The following FRAS1 variants were observed in gnomAD, a reference collection of about 807,000 sequenced individuals.
The protein encoded by FRAS1 is extracellular matrix organizing protein FRAS1.
A neutral mutation model predicts 435.2 loss-of-function variants in FRAS1; 290 were observed. The observed-to-expected ratio is 0.67, with a 90% confidence interval of 0.61 to 0.73. FRAS1 has a LOEUF of 0.73. Among genes scored for constraint, FRAS1 ranks in the 30% least tolerant of loss-of-function variants. The pLI is 0.00. For synonymous variants in FRAS1, 1,800 were observed against 1,851.0 expected, an observed-to-expected ratio of 0.97 and a Z score of 0.71; for missense variants, 4,860 against 5,001.5, an observed-to-expected ratio of 0.97 and a Z score of 0.85.
Position 78,237,585 on chromosome 4 carries a change from G to A in FRAS1, c.184G>A (p.Val62Ile), listed in dbSNP as rs1354889696. ...TGATATTGTTATCTGCAAACCTGCT[G>A]TTTGCAGAAACCCTCAATGTGCCTT... ...HGDIVICKPAVCRNPQCAFEK... is the reference protein window; with the variant it reads ...HGDIVICKPAICRNPQCAFEK... The change falls in exon 3 of 74, where the codon GTT becomes ATT. Residue 62 changes from valine to isoleucine, a missense_variant. Val to Ile is a conservative substitution (Grantham distance 29, BLOSUM62 3). Coordinates refer to ENST00000512123, the MANE Select transcript of FRAS1 (RefSeq NM_025074.7). 1 of 1,611,346 alleles carries A rather than the reference G, an allele frequency of 6.2e-7. No homozygotes were observed. The highest frequency in any genetic ancestry group is 8.5e-7 in the Non-Finnish European group (1 of 1,178,392).
intron 2 of FRAS1, among the ~76,000 whole-genome samples, chr4:78,159,955 C>T (rs1462802956): frequency 6.6e-6 from 1 of 152,150 alleles, no homozygotes; most frequent in Admixed American, 6.5e-5. Context: ...TACTCTCATT[C>T]ATAAACATTT....
At chr4:78,190,619 C>G (rs1490527382) in intron 2 of FRAS1, among the ~76,000 whole-genome samples, 1 of 146,114 alleles carries the variant, frequency 6.8e-6, no homozygotes, top group Non-Finnish European at 1.5e-5. Flanking sequence ...CACACCCCTT[C>G]CCTTCCCTTC....
rs1387237577 is a variant in FRAS1, at chr4:78,539,347, G to T, written c.11352G>T (p.Glu3784Asp). The T allele has an allele frequency of 5.0e-6, 8 of 1,612,958 alleles. No individual in the cohort carries two copies. The highest frequency in any genetic ancestry group is 3.4e-6 in the Non-Finnish European group (4 of 1,179,508). The change falls in exon 73 of 74, where the codon GAG (glutamate) becomes GAT (aspartate). Residue 3784 changes from glutamate (E) to aspartate (D), a missense_variant. Physicochemically the swap from Glu to Asp is conservative, Grantham distance 45. Transcript: ENST00000512123. The stretch of plus-strand genomic sequence containing the variant: ...AGTACTTCCATGATGTGCCTTTTGA[G>T]GCTCACTTTGCCTCTGAGTTGCCTG... ...TDKYFHDVPF[E>D]AHFASELPDF...
At chr4:78,443,796 A>C (rs1047712188) in intron 41 of FRAS1, among the ~76,000 whole-genome samples, 1 of 152,268 alleles carries the variant, frequency 6.6e-6, no homozygotes, top group Admixed American at 6.5e-5. Context: ...CCAGTGATTT[A>C]AAATGAGGCA....
intron 30 of FRAS1, among the ~76,000 whole-genome samples, chr4:78,405,521 T>C (rs1733067340): frequency 6.6e-6 from 1 of 152,208 alleles, no homozygotes; most frequent in South Asian, 2.1e-4. Flanking sequence ...CTTATTTTGG[T>C]ATTTCATTAC....
intron 2 of FRAS1, among the ~76,000 whole-genome samples, chr4:78,142,117 C>T (rs907592144): frequency 5.3e-5 from 8 of 150,944 alleles, no homozygotes; most frequent in East Asian, 1.9e-4. Flanking sequence ...CCACCTGTAC[C>T]TCAATAACTT....
At chr4:78,304,373 A>C (rs1005042208) in intron 14 of FRAS1, among the ~76,000 whole-genome samples, 4 of 152,190 alleles carry the variant, frequency 2.6e-5, no homozygotes, top group African/African-American at 9.7e-5. Flanking sequence ...GGCCTCATAA[A>C]ATGAGTTAGG....
In FRAS1 at chr4:78,171,231, A is replaced by G. The variant is rs17003014; in HGVS notation, c.109-66279A>G. Among the ~76,000 whole-genome samples the G allele has an allele frequency of 4.8e-3, 728 of 152,064 alleles. 6 individuals are homozygous for G. The highest frequency in any genetic ancestry group is 0.011 in the African/African-American group (466 of 41,520). The stretch of plus-strand genomic sequence containing the variant: ...ATAAAATAACTGCAATTTCACATCA[A>G]TTCTGCTTTCCTCGAGCTCACCCTC... On this transcript the variant is annotated intron_variant, in intron 2 of 73. Coordinates refer to ENST00000512123, the MANE Select transcript of FRAS1 (RefSeq NM_025074.7).
intron 59 of FRAS1, among the ~76,000 whole-genome samples, chr4:78,495,527 G>A (rs1467390721): frequency 6.6e-6 from 1 of 152,050 alleles, no homozygotes; most frequent in African/African-American, 2.4e-5. Flanking sequence ...TATTTTATGG[G>A]AATTTTACTG....
At chr4:78,363,441 C>G in intron 20 of FRAS1, 72 bp from the exon 21 acceptor site, 1 of 1,432,280 alleles carries the variant, frequency 7.0e-7, no homozygotes, top group Non-Finnish European at 9.4e-7. Context: ...TCTCTTCTGC[C>G]CTTCTGTGCA....
At chr4:78,308,606 TGA>T (rs1442348759) in intron 15 of FRAS1, among the ~76,000 whole-genome samples, 14 of 152,226 alleles carry the variant, frequency 9.2e-5, no homozygotes, top group Admixed American at 8.5e-4. Context: ...TTAGGCCAGC[TGA>T]GGGCAGACCC....
chr4:78,251,115 C>T (rs1725511597), intron 4 of FRAS1, among the ~76,000 whole-genome samples: 1 of 151,950 alleles, frequency 6.6e-6, no homozygotes, highest in South Asian at 2.1e-4. Flanking sequence ...TCTTTCTTTG[C>T]TTTCATGTGT....
rs972360769 is a variant in FRAS1 at position 78,065,238 on chromosome 4, G to A, written c.77-747G>A. Among the ~76,000 whole-genome samples, 21 of 145,398 alleles carry A rather than the reference G, an allele frequency of 1.4e-4. 1 individual carries two copies. Among genetic ancestry groups the A allele is most frequent in the Admixed American group, 1.1e-3 (16 of 14,326 alleles). On this transcript the variant is annotated intron_variant, in intron 1 of 73. Coordinates refer to ENST00000512123, the MANE Select transcript of FRAS1 (RefSeq NM_025074.7). ...TATATATGGTATATAGTATATAGTG[G>A]GTATACATGTGTATATATATGTATA...
rs72430754 is a variant in FRAS1 at position 78,420,879 on chromosome 4, CATATATATATATATATATATATATAT to C, written c.4541-967_4541-942del. Among the ~76,000 whole-genome samples, 133 of 95,504 alleles carry C rather than the reference CATATATATATATATATATATATATAT, an allele frequency of 1.4e-3. 2 individuals are homozygous for C. Among genetic ancestry groups the C allele is most frequent in the African/African-American group, 5.0e-3 (120 of 24,196 alleles). 62.7% of individuals were successfully genotyped at this position (95,504 alleles called of 152,430 possible). A position where few individuals can be genotyped will look rare whatever the true frequency, so the allele number is the denominator to read the frequency against. ...CTCTAGAGGGACAGAACTAATAGGA[CATATATATATATATATATATATATAT>C]ATATATATATATATATTTATATAAA... is the stretch of plus-strand genomic sequence containing the variant. On this transcript the variant is annotated intron_variant, in intron 33 of 73. Coordinates refer to ENST00000512123, the MANE Select transcript of FRAS1 (RefSeq NM_025074.7).
intron 60 of FRAS1, among the ~76,000 whole-genome samples, chr4:78,498,263 A>C (rs1266810640): frequency 6.6e-6 from 1 of 152,130 alleles, no homozygotes; most frequent in Non-Finnish European, 1.5e-5. Flanking sequence ...TAATCCCAGC[A>C]CTTTGGGAGG....
chr4:78,095,805 A>G (rs1177536024), intron 2 of FRAS1, among the ~76,000 whole-genome samples: 1 of 152,206 alleles, frequency 6.6e-6, no homozygotes. Context: ...ACCACAACAC[A>G]TGGGAATTAT....
intron 1 of FRAS1, among the ~76,000 whole-genome samples, chr4:78,060,176 A>G (rs1408628307): frequency 6.6e-6 from 1 of 152,162 alleles, no homozygotes; most frequent in Admixed American, 6.5e-5. Context: ...TAATTAAGTG[A>G]TATCACTCCC....
At chr4:78,538,686 G>A (rs1721957913) in intron 72 of FRAS1, among the ~76,000 whole-genome samples, 1 of 152,148 alleles carries the variant, frequency 6.6e-6, no homozygotes, top group African/African-American at 2.4e-5. Context: ...CGGGCGCGGT[G>A]GCTCAAGCCT....
intron 2 of FRAS1, among the ~76,000 whole-genome samples, chr4:78,223,411 G>T (rs540695667): frequency 6.6e-6 from 1 of 152,274 alleles, no homozygotes; most frequent in South Asian, 2.1e-4. Flanking sequence ...TGTCTGTAAA[G>T]AGTTGAATAG....
Sources: allele counts gnomAD v4.1 joint callset (sites outside exome capture counted in the v4.1 genomes callset), GRCh38; gene constraint gnomAD v4.1.1; transcripts MANE v1.5; gene names NCBI Gene and HGNC (gene_info 2026-07-23, HGNC 2026-07-21).